RPH3A: variants seen among roughly 807,000 people sequenced by gnomAD.
The protein encoded by RPH3A is rabphilin-3A.
In RPH3A, 48 loss-of-function variants were observed where a neutral mutation model predicts 102.2. That is an observed-to-expected ratio of 0.47 (90% CI 0.37 to 0.60). The LOEUF is 0.60. RPH3A is among the 20% of genes least tolerant of loss of function. The pLI, the probability that RPH3A is intolerant of heterozygous loss-of-function variation, is 0.00. For missense variants in RPH3A, 781 were observed against 910.1 expected (o/e 0.86, Z 1.83); for synonymous variants, 310 against 324.3 (o/e 0.96, Z 0.47).
At chr12:112,853,915 T>A (rs558224975) in intron 5 of RPH3A, among the ~76,000 whole-genome samples, 83 of 152,302 alleles carry the variant, frequency 5.4e-4, no homozygotes, top group African/African-American at 2.0e-3. Flanking sequence ...ACATGTTGAA[T>A]GAATAATGCA....
intron 1 of RPH3A, among the ~76,000 whole-genome samples, chr12:112,583,900 C>A (rs767138225): frequency 6.6e-6 from 1 of 152,130 alleles, no homozygotes; most frequent in Non-Finnish European, 1.5e-5. Context: ...TCAGGAGAAT[C>A]GCTTGAGCCT....
Position 112,601,001 on chromosome 12 carries a change from G to A in RPH3A, c.-140+25682G>A, listed in dbSNP as rs540461772. Among the ~76,000 whole-genome samples the A allele has an allele frequency of 3.8e-4, 58 of 152,244 alleles. 1 individual carries two copies. The South Asian group carries it at 0.011, about 29-fold the overall frequency. ...ATGCCAGATGCTTATAAAACCATTA[G>A]ATCTCATGAGAGGCACTCATTATCA... is the stretch of plus-strand genomic sequence containing the variant. On this transcript the variant is annotated intron_variant, in intron 1 of 21. Coordinates refer to the RPH3A transcript ENST00000543106.
intron 4 of RPH3A, among the ~76,000 whole-genome samples, chr12:112,845,453 T>A (rs1809975952): frequency 7.2e-5 from 11 of 152,210 alleles, no homozygotes; most frequent in Admixed American, 7.2e-4. Context: ...ACTTTCCTGA[T>A]AACATGACCA....
Position 112,620,828 on chromosome 12 carries a change from A to G in RPH3A, c.-140+45509A>G, listed in dbSNP as rs528683612. Among the ~76,000 whole-genome samples, 10 of 150,796 alleles carry G rather than the reference A, an allele frequency of 6.6e-5. No homozygotes were observed. In the East Asian group the frequency reaches 1.8e-3, roughly 27 times the overall value. ...TCCTTGATTCCTCTCCTTCTTTCCT[A>G]CTCCACATCCAATTCATCAACCAAT... On this transcript the variant is annotated intron_variant, in intron 1 of 21. Coordinates refer to the RPH3A transcript ENST00000543106.
intron 1 of RPH3A, among the ~76,000 whole-genome samples, chr12:112,743,265 C>T (rs982244746): frequency 9.2e-5 from 14 of 152,322 alleles, no homozygotes; most frequent in African/African-American, 3.4e-4. Flanking sequence ...CTGCCTACCG[C>T]AGCGTGGAAC....
At chr12:112,704,705 G>T (rs929466635) in intron 1 of RPH3A, among the ~76,000 whole-genome samples, 5 of 152,184 alleles carry the variant, frequency 3.3e-5, no homozygotes, top group Admixed American at 6.5e-5. Context: ...GAGACCCAGT[G>T]CACATCCTGT....
At chr12:112,673,214 C>G (rs1325805222) in intron 1 of RPH3A, among the ~76,000 whole-genome samples, 1 of 152,132 alleles carries the variant, frequency 6.6e-6, no homozygotes, top group Non-Finnish European at 1.5e-5. Flanking sequence ...TATCACCAAA[C>G]ACTTTGTTGT....
intron 1 of RPH3A, among the ~76,000 whole-genome samples, chr12:112,773,473 T>C (rs1025323102): frequency 2.6e-5 from 4 of 152,156 alleles, no homozygotes; most frequent in Non-Finnish European, 4.4e-5. Flanking sequence ...AGCAATGTCA[T>C]CTTTTTTTAA....
At chr12:112,888,394 G>A (rs1460201010) in intron 17 of RPH3A, among the ~76,000 whole-genome samples, 1 of 152,246 alleles carries the variant, frequency 6.6e-6, no homozygotes, top group Non-Finnish European at 1.5e-5. Flanking sequence ...AGTTGTTAGT[G>A]TAGGAAATAT....
chr12:112,872,986 TG>T (rs1375298390), intron 10 of RPH3A, among the ~76,000 whole-genome samples: 1 of 152,186 alleles, frequency 6.6e-6, no homozygotes, highest in African/African-American at 2.4e-5. Context: ...CTCTCTCCCT[TG>T]TAATACCAGG....
intron 1 of RPH3A, among the ~76,000 whole-genome samples, chr12:112,702,124 G>T (rs886757647): frequency 2.0e-5 from 3 of 152,248 alleles, no homozygotes; most frequent in African/African-American, 7.2e-5. Context: ...ATCAGATGCA[G>T]ATAAGCTGGC....
chr12:112,580,780 G>A (rs2039395504), intron 1 of RPH3A, among the ~76,000 whole-genome samples: 6 of 152,138 alleles, frequency 3.9e-5, no homozygotes, highest in Admixed American at 3.9e-4. Flanking sequence ...CTTTAATGTA[G>A]TTTAGTCAAG....
At chr12:112,894,319 G>T in intron 19 of RPH3A, 1 of 504,950 alleles carries the variant, frequency 2.0e-6, no homozygotes. Context: ...CTGCCTCTCT[G>T]GATCTCAGTT....
intron 1 of RPH3A, among the ~76,000 whole-genome samples, chr12:112,588,491 A>G (rs1056179160): frequency 3.3e-5 from 5 of 152,232 alleles, no homozygotes; most frequent in African/African-American, 1.2e-4. Context: ...ACCTGCTCCC[A>G]TGATTCAATT....
At chr12:112,858,287 A>G (rs1476925910) in intron 5 of RPH3A, among the ~76,000 whole-genome samples, 1 of 150,274 alleles carries the variant, frequency 6.7e-6, no homozygotes, top group African/African-American at 2.5e-5. Flanking sequence ...AAAAAAAAAA[A>G]AAAAAAAGAA....
At chr12:112,751,988 AT>A in intron 1 of RPH3A, among the ~76,000 whole-genome samples, 1 of 152,332 alleles carries the variant, frequency 6.6e-6, no homozygotes, top group Non-Finnish European at 1.5e-5. Context: ...GTAAATAAAC[AT>A]TAGTGCTGCT....
At chr12:112,627,318 T>C in intron 1 of RPH3A, among the ~76,000 whole-genome samples, 1 of 149,980 alleles carries the variant, frequency 6.7e-6, no homozygotes, top group East Asian at 1.9e-4. Flanking sequence ...TTTTATGTAA[T>C]ATATAGTATT....
chr12:112,702,271 A>G (rs1186534491), intron 1 of RPH3A, among the ~76,000 whole-genome samples: 5 of 152,152 alleles, frequency 3.3e-5, no homozygotes, highest in Non-Finnish European at 4.4e-5. Flanking sequence ...CTTTGCCCAT[A>G]CTTCCCCTTC....
chr12:112,575,809 A>T (rs1211134855), intron 1 of RPH3A, among the ~76,000 whole-genome samples: 2 of 152,150 alleles, frequency 1.3e-5, no homozygotes, highest in Non-Finnish European at 2.9e-5. Flanking sequence ...CTAGAGAGAC[A>T]GTGTGTCTGA....
Sources: gnomAD v4.1 joint callset for allele counts (sites outside exome capture counted in the v4.1 genomes callset) on GRCh38, gnomAD v4.1.1 for gene constraint, MANE v1.5 for transcripts, NCBI Gene and HGNC (gene_info 2026-07-23, HGNC 2026-07-21) for gene names.